Variants in C7orf33 observed in about 807,000 individuals in gnomAD.
C7orf33 encodes uncharacterized protein C7orf33.
In C7orf33, 15 loss-of-function variants were observed where a neutral mutation model predicts 13.4. The observed-to-expected ratio is 1.12, with a 90% CI of 0.75 to 1.72. The LOEUF (loss-of-function observed/expected upper bound fraction) is 1.72, where lower values mean the gene tolerates loss of function less well. Ranked by LOEUF, C7orf33 falls within the 40% of genes most tolerant of loss-of-function variation. The probability of loss-of-function intolerance (pLI) is 0.00; values close to 1 mark genes in which losing one functional copy is unlikely to be tolerated. For missense variants in C7orf33, 187 were observed against 220.3 expected, an observed-to-expected ratio of 0.85 and a Z score of 0.96; for synonymous variants, 73 against 83.2, an observed-to-expected ratio of 0.88 and a Z score of 0.67.
chr7:148,601,433 C>A (rs1371723517), intron 1 of C7orf33, among the ~76,000 whole-genome samples: 1 of 151,836 alleles, frequency 6.6e-6, no homozygotes, highest in East Asian at 2.0e-4. Context: ...GCAGCCTCCA[C>A]CTCCTGGGCT....
intron 1 of C7orf33, among the ~76,000 whole-genome samples, chr7:148,591,546 G>T (rs1796269349): frequency 6.6e-6 from 1 of 152,160 alleles, no homozygotes; most frequent in Non-Finnish European, 1.5e-5. Flanking sequence ...TCCTTGCCTA[G>T]ATTCTTGTCT....
chr7:148,597,977 G>C (rs569587202), intron 1 of C7orf33, among the ~76,000 whole-genome samples: 49 of 152,178 alleles, frequency 3.2e-4, no homozygotes, highest in African/African-American at 7.9e-4. Flanking sequence ...GGATGATCTC[G>C]ATCTCCTGAC....
chr7:148,604,625 T>C (rs1047720711), intron 1 of C7orf33, among the ~76,000 whole-genome samples: 4 of 152,216 alleles, frequency 2.6e-5, no homozygotes, highest in Admixed American at 2.6e-4. Context: ...GCTCAGGTGA[T>C]GGGTCCACCA....
In C7orf33 at chr7:148,615,628, G is replaced by T. The variant is rs1796594420; in HGVS notation, c.*227G>T. The T allele has an allele frequency of 1.1e-5, 5 of 448,498 alleles. No individual in the cohort carries two copies. In the East Asian group the frequency reaches 2.2e-4, roughly 19 times the overall value. 27.8% of individuals were successfully genotyped at this position (448,498 alleles called of 1,614,324 possible). On this transcript the variant is annotated 3_prime_UTR_variant, in exon 3 of 3. Transcript: ENST00000307003. ...GGAATCTGTGTGGCATTTGTGCACT[G>T]GTGTGGGGCCCAGGAGAGGACCACG...
At chr7:148,611,569 G>A (rs182684094) in intron 1 of C7orf33, among the ~76,000 whole-genome samples, 2 of 152,010 alleles carry the variant, frequency 1.3e-5, no homozygotes, top group East Asian at 1.9e-4. Flanking sequence ...GCTGAGTGCC[G>A]CCTCCATCAC....
chr7:148,603,025 C>T (rs1415058893), intron 1 of C7orf33, among the ~76,000 whole-genome samples: 1 of 152,096 alleles, frequency 6.6e-6, no homozygotes, highest in Non-Finnish European at 1.5e-5. Context: ...TCCCAAAAAG[C>T]CTGTCAACAT....
chr7:148,609,856 G>T (rs1436508393), intron 1 of C7orf33, among the ~76,000 whole-genome samples: 1 of 152,208 alleles, frequency 6.6e-6, no homozygotes, highest in Non-Finnish European at 1.5e-5. Flanking sequence ...TGCTGAGTGG[G>T]CTACCAACAG....
rs1318292732 is a variant in C7orf33 at position 148,606,784 on chromosome 7, G to A, written c.205-7258G>A. 6.6e-5 allele frequency among the ~76,000 whole-genome samples: 10 copies of A among 152,114 alleles called. No individual in the cohort carries two copies. In the South Asian group the frequency reaches 1.5e-3, roughly 22 times the overall value. On this transcript the variant is annotated intron_variant, in intron 1 of 2. Transcript: ENST00000307003. The stretch of plus-strand genomic sequence containing the variant: ...GTATTTTTAGTAGAGACGGGATTTC[G>A]TCACGTTGGCCAGGCTGGTCTCGAA...
At position 148,610,135 on chromosome 7, in the gene C7orf33, A is replaced by T. The variant is rs1395542297; in HGVS notation, c.205-3907A>T. Among the ~76,000 whole-genome samples the T allele has an allele frequency of 2.0e-5, 3 of 152,338 alleles. No homozygotes were observed. The East Asian group carries it at 5.8e-4, about 29-fold the overall frequency. On this transcript the variant is annotated intron_variant, in intron 1 of 2. Coordinates refer to ENST00000307003, the MANE Select transcript of C7orf33 (RefSeq NM_145304.4). ...TGAGGTATCTGTAAACAACAAGAAA[A>T]GGTAGAATCACTTTGTGGGAAGTTT...
intron 1 of C7orf33, among the ~76,000 whole-genome samples, chr7:148,598,791 G>T (rs1207641948): frequency 7.1e-5 from 10 of 141,128 alleles, no homozygotes; most frequent in Admixed American, 2.2e-4. Flanking sequence ...GAGAGAGAGA[G>T]AGAGAGAGAG....
intron 1 of C7orf33, among the ~76,000 whole-genome samples, chr7:148,597,292 A>T (rs1796351271): frequency 6.6e-6 from 1 of 151,794 alleles, no homozygotes; most frequent in South Asian, 2.1e-4. Context: ...ATTTTTATTT[A>T]TTTTTTTGAG....
At position 148,615,476 on chromosome 7, in the gene C7orf33, G is replaced by T. The variant is rs1450785684; in HGVS notation, c.*75G>T. Reference sequence around the variant, plus strand: ...AAATCTCTTCTTGCAAGAAAAAAGAGAAATAGCTGAAGTTCTGGAAATAAC... The same window carrying T: ...AAATCTCTTCTTGCAAGAAAAAAGATAAATAGCTGAAGTTCTGGAAATAAC... On this transcript the variant is annotated 3_prime_UTR_variant, in exon 3 of 3. Coordinates refer to ENST00000307003, the MANE Select transcript of C7orf33 (RefSeq NM_145304.4). The T allele has an allele frequency of 1.1e-6, 1 of 946,254 alleles. No individual in the cohort carries two copies. The highest frequency in any genetic ancestry group is 1.7e-6 in the Non-Finnish European group (1 of 586,710). The allele number at this position is 946,254 out of a possible 1,614,324, so 58.6% of individuals were successfully genotyped here. A position where few individuals can be genotyped will look rare whatever the true frequency, so the allele number is the denominator to read the frequency against.
At chr7:148,606,802 G>A (rs1360104448) in intron 1 of C7orf33, among the ~76,000 whole-genome samples, 1 of 152,096 alleles carries the variant, frequency 6.6e-6, no homozygotes, top group Non-Finnish European at 1.5e-5. Flanking sequence ...GGCCAGGCTG[G>A]TCTCGAACTC....
intron 1 of C7orf33, among the ~76,000 whole-genome samples, chr7:148,594,626 C>G (rs1158189911): frequency 6.6e-6 from 1 of 152,102 alleles, no homozygotes; most frequent in African/African-American, 2.4e-5. Context: ...GTTATCATTT[C>G]ATTTGCTTGG....
At position 148,594,881 on chromosome 7, in the gene C7orf33, ACAGCAAGTACAG is replaced by A. The variant is rs369321702; in HGVS notation, c.204+3754_204+3765del. On this transcript the variant is annotated intron_variant, in intron 1 of 2. Transcript: ENST00000307003. ...GTTAATGTTATGGTTCAGGAACCTA[ACAGCAAGTACAG>A]CCTGCAGCCTGCACTCCCAGCCGCT... 7.4e-3 allele frequency among the ~76,000 whole-genome samples: 1,126 copies of A among 152,174 alleles called. 15 individuals are homozygous for A. Among genetic ancestry groups the A allele is most frequent in the African/African-American group, 0.026 (1,063 of 41,510 alleles).
Position 148,595,682 on chromosome 7 carries a change from G to C in C7orf33, c.204+4553G>C, listed in dbSNP as rs183187640. 1.4e-3 allele frequency among the ~76,000 whole-genome samples: 107 copies of C among 79,006 alleles called. 1 individual carries two copies. The highest frequency in any genetic ancestry group is 8.2e-3 in the Middle Eastern group (1 of 122). The allele number at this position is 79,006 out of a possible 152,430, so 51.8% of individuals were successfully genotyped here. Reference sequence around the variant, plus strand: ...ATCTATATTATATAGATATAATATAGATCTATATTATATAGATATACATAT... The same window carrying C: ...ATCTATATTATATAGATATAATATACATCTATATTATATAGATATACATAT... On this transcript the variant is annotated intron_variant, in intron 1 of 2. Coordinates refer to ENST00000307003, the MANE Select transcript of C7orf33 (RefSeq NM_145304.4).
intron 1 of C7orf33, among the ~76,000 whole-genome samples, chr7:148,599,190 G>C (rs1003763065): frequency 3.9e-5 from 6 of 152,068 alleles, no homozygotes; most frequent in Non-Finnish European, 7.4e-5. Context: ...GCCAGATGCA[G>C]AATGGTCTAC....
intron 1 of C7orf33, among the ~76,000 whole-genome samples, chr7:148,591,398 C>T (rs1408310402): frequency 1.3e-5 from 2 of 152,144 alleles, no homozygotes; most frequent in African/African-American, 4.8e-5. Flanking sequence ...AAAATTCCAG[C>T]GTAAAAATTG....
intron 1 of C7orf33, among the ~76,000 whole-genome samples, chr7:148,609,555 A>G (rs556613018): frequency 6.6e-6 from 1 of 152,346 alleles, no homozygotes; most frequent in South Asian, 2.1e-4. Context: ...TGACATCTTC[A>G]TCTTGAAGTT....
Sources: gnomAD v4.1 joint callset for allele counts (sites outside exome capture counted in the v4.1 genomes callset) on GRCh38, gnomAD v4.1.1 for gene constraint, MANE v1.5 for transcripts, NCBI Gene and HGNC (gene_info 2026-07-23, HGNC 2026-07-21) for gene names.